The following COL5A1 variants were observed in gnomAD, a reference collection of about 807,000 sequenced individuals.
COL5A1 encodes the protein collagen alpha-1(V) chain.
A neutral mutation model predicts 263.7 loss-of-function variants in COL5A1; 16 were observed. That is an observed-to-expected ratio of 0.06 (90% CI 0.04 to 0.09). COL5A1 has a LOEUF of 0.09. COL5A1 is among the 10% of genes least tolerant of loss of function. The probability of loss-of-function intolerance (pLI) is 1.00; values close to 1 mark genes in which losing one functional copy is unlikely to be tolerated. For missense variants in COL5A1, 2,036 were observed against 2,540.5 expected, an observed-to-expected ratio of 0.80 and a Z score of 4.27; for synonymous variants, 1,012 against 1,004.5, an observed-to-expected ratio of 1.01 and a Z score of -0.14.
rs763310793 is a variant in COL5A1, at chr9:134,805,191, C to T, written c.3235C>T (p.Pro1079Ser). The T allele has an allele frequency of 5.6e-6, 9 of 1,613,924 alleles. No individual in the cohort carries two copies. Among genetic ancestry groups the T allele is most frequent in the Non-Finnish European group, 7.6e-6 (9 of 1,179,996 alleles). ...GALGLKGNEG[P>S]PGPPGPAGSP... ...TCTTGGACTGAAAGGCAATGAAGGG[C>T]CCCCTGGCCCACCAGGCCCTGCGGT... The change falls in exon 41 of 66, where the codon CCC (proline) becomes TCC (serine). Residue 1079 changes from proline (P) to serine (S), a missense_variant. Transcript: ENST00000371817.
At chr9:134,801,601 A>G (rs892115116) in intron 37 of COL5A1, among the ~76,000 whole-genome samples, 44 of 152,178 alleles carry the variant, frequency 2.9e-4, no homozygotes, top group African/African-American at 1.0e-3. Context: ...AGCCTGACCA[A>G]CATGGTGAAA....
rs530751614 is a variant in COL5A1, at chr9:134,820,064, G to A, written c.4447-52G>A. On this transcript the variant is annotated intron_variant, in intron 57 of 65. Coordinates refer to ENST00000371817, the MANE Select transcript of COL5A1 (RefSeq NM_000093.5). ...GTGCTAACTGGCCCACCGTGGCCGA[G>A]CATGAGGCGTGGCTCCCTCAAATGC... The A allele has an allele frequency of 2.2e-4, 314 of 1,404,286 alleles. 2 individuals carry two copies. In the South Asian group the frequency reaches 3.6e-3, roughly 16 times the overall value. 87.0% of individuals were successfully genotyped at this position (1,404,286 alleles called of 1,614,324 possible).
At chr9:134,766,107 C>T (rs1836651550) in intron 21 of COL5A1, among the ~76,000 whole-genome samples, 1 of 152,168 alleles carries the variant, frequency 6.6e-6, no homozygotes, top group Admixed American at 6.5e-5. Flanking sequence ...AGGCTGAAGC[C>T]CTTGATTCCA....
In COL5A1 at chr9:134,730,311, G is replaced by T; in HGVS notation, c.1000G>T (p.Gly334Cys). Residue 334 changes from glycine to cysteine, a missense_variant, in exon 7 of 66, where the codon GGC (glycine) becomes TGC (cysteine). This residue lies in a region of COL5A1 where 600 missense variants were observed against 634.5 expected (regional missense o/e 0.95). Transcript: ENST00000371817. ...SEGAGKEEDV[G>C]IGDYDYVPSE... is the part of the protein sequence containing the mutation. ...AGGGGCTGGGAAGGAAGAGGACGTC[G>T]GCATCGGGGACTATGACTACGTGCC... 1 of 1,614,234 alleles carries T rather than the reference G, an allele frequency of 6.2e-7. No homozygotes were observed. Among genetic ancestry groups the T allele is most frequent in the Non-Finnish European group, 8.5e-7 (1 of 1,180,048 alleles).
At chr9:134,761,039 C>T (rs1252976559) in intron 18 of COL5A1, among the ~76,000 whole-genome samples, 2 of 149,086 alleles carry the variant, frequency 1.3e-5, no homozygotes, top group East Asian at 4.1e-4. Context: ...TGCACAGGCT[C>T]CACACATGCC....
chr9:134,790,969 G>A (rs184523176), intron 32 of COL5A1, among the ~76,000 whole-genome samples: 65 of 152,228 alleles, frequency 4.3e-4, no homozygotes, highest in African/African-American at 1.5e-3. Flanking sequence ...CAGGGACCTC[G>A]TGGAGCAACT....
chr9:134,823,914 A>G (rs963056026), intron 61 of COL5A1, among the ~76,000 whole-genome samples: 26 of 149,170 alleles, frequency 1.7e-4, no homozygotes, highest in African/African-American at 6.1e-4. Flanking sequence ...TGGGGCACAT[A>G]TGTGTGTGCA....
intron 27 of COL5A1, among the ~76,000 whole-genome samples, chr9:134,776,130 G>T (rs990529447): frequency 1.3e-5 from 2 of 152,168 alleles, no homozygotes; most frequent in Non-Finnish European, 2.9e-5. Context: ...CCAAGTTCAC[G>T]AGGTATTGAA....
intron 2 of COL5A1, among the ~76,000 whole-genome samples, chr9:134,695,523 A>G (rs1833429221): frequency 6.6e-6 from 1 of 152,202 alleles, no homozygotes; most frequent in South Asian, 2.1e-4. Flanking sequence ...AGATGGAGGC[A>G]GCGGTGGGAG....
At chr9:134,643,119 G>A (rs1393248927) in intron 1 of COL5A1, among the ~76,000 whole-genome samples, 1 of 152,198 alleles carries the variant, frequency 6.6e-6, no homozygotes, top group East Asian at 1.9e-4. Flanking sequence ...GCTTCAAGGC[G>A]GGGACTGTCT....
At position 134,829,989 on chromosome 9, in the gene COL5A1, C is replaced by T. The variant is rs1564183635; in HGVS notation, c.5081C>T (p.Ser1694Phe). Residue 1694 changes from serine to phenylalanine, a missense_variant, in exon 64 of 66, where the codon TCT becomes TTT. Physicochemically the swap from Ser to Phe is radical, Grantham distance 155. Around this residue, in one of 3 missense-constraint regions of COL5A1, gnomAD observed 358 missense variants for 384.6 expected, o/e 0.93. Coordinates refer to ENST00000371817, the MANE Select transcript of COL5A1 (RefSeq NM_000093.5). ...DKKSEGARITSWPKENPGSWF... is the reference protein window; with the variant it reads ...DKKSEGARITFWPKENPGSWF... ...CTGCATGTTTAGGCCAGAATCACTT[C>T]TTGGCCCAAAGAAAACCCGGGCTCC... 3.1e-6 allele frequency: 5 copies of T among 1,613,746 alleles called. No individual in the cohort carries two copies. Among genetic ancestry groups the T allele is most frequent in the East Asian group, 2.2e-5 (1 of 44,874 alleles).
At chr9:134,718,137 GA>G (rs1453865293) in intron 4 of COL5A1, among the ~76,000 whole-genome samples, 1 of 152,226 alleles carries the variant, frequency 6.6e-6, no homozygotes, top group Non-Finnish European at 1.5e-5. Flanking sequence ...ACGCAGCCTG[GA>G]TACGGTCTCA....
rs374868484 is a variant in COL5A1 at position 134,818,701 on chromosome 9, G to A, written c.4276G>A (p.Gly1426Ser). Reference protein sequence around the residue: ...EGPPGKTGPIGPQGAPGKPGP... With the variant: ...EGPPGKTGPISPQGAPGKPGP... ...CCCTCCTGGGAAGACTGGCCCCATCGGCCCCCAGGGGGCCCCTGGGAAGCC... is the reference window on the plus strand; with the variant it reads ...CCCTCCTGGGAAGACTGGCCCCATCAGCCCCCAGGGGGCCCCTGGGAAGCC... The change falls in exon 55 of 66, where the codon GGC becomes AGC. Residue 1426 changes from glycine (G) to serine (S), a missense_variant. Physicochemically the swap from Gly to Ser is moderately conservative, Grantham distance 56. This residue lies in a region of COL5A1 where 1,078 missense variants were observed against 1,521.4 expected (regional missense o/e 0.71). Transcript: ENST00000371817. The surrounding 1 kb of genome is among the most constrained non-coding windows in gnomAD (Gnocchi z 6.0). 12 of 1,610,118 alleles carry A rather than the reference G, an allele frequency of 7.5e-6. No homozygotes were observed. The highest frequency in any genetic ancestry group is 6.7e-5 in the Admixed American group (4 of 59,720).
At chr9:134,806,786 T>C (rs1181296782) in intron 42 of COL5A1, among the ~76,000 whole-genome samples, 1 of 152,040 alleles carries the variant, frequency 6.6e-6, no homozygotes, top group African/African-American at 2.4e-5. Context: ...GGGAGTCCTG[T>C]TTCTTGGTTG....
At chr9:134,732,298 T>A (rs1330114655) in intron 9 of COL5A1, 171 bp downstream of exon 9, 1 of 717,400 alleles carries the variant, frequency 1.4e-6, no homozygotes, top group East Asian at 2.7e-5. Context: ...CCCCAGGACT[T>A]GTGAAGAATC....
At position 134,727,415 on chromosome 9, in the gene COL5A1, G is replaced by A; in HGVS notation, c.786+18G>A. On this transcript the variant is annotated intron_variant, in intron 5 of 65. Coordinates refer to ENST00000371817, the MANE Select transcript of COL5A1 (RefSeq NM_000093.5). ...ATGAATATGTGAGTTAACTCTGGCT[G>A]GGATCTTGGGGAGCATGAGCAGACT... The A allele has an allele frequency of 6.2e-7, 1 of 1,613,920 alleles. No homozygotes were observed. The highest frequency in any genetic ancestry group is 8.5e-7 in the Non-Finnish European group (1 of 1,179,884).
Position 134,763,633 on chromosome 9 carries a change from G to T in COL5A1, c.1990-60G>T, listed in dbSNP as rs1422715497. The T allele has an allele frequency of 2.0e-6, 3 of 1,529,870 alleles. No individual in the cohort carries two copies. In the African/African-American group the frequency reaches 4.1e-5, roughly 21 times the overall value. The allele number at this position is 1,529,870 out of a possible 1,614,324, so 94.8% of individuals were successfully genotyped here. A position where few individuals can be genotyped will look rare whatever the true frequency, so the allele number is the denominator to read the frequency against. ...GAGAACCCTTGTGCACCACTGAGGG[G>T]AAGCTGGTGTCCAGGCTAACAGCTC... On this transcript the variant is annotated intron_variant, in intron 19 of 65. Coordinates refer to ENST00000371817, the MANE Select transcript of COL5A1 (RefSeq NM_000093.5).
intron 63 of COL5A1, among the ~76,000 whole-genome samples, chr9:134,826,502 T>C (rs925981914): frequency 6.6e-6 from 1 of 152,158 alleles, no homozygotes; most frequent in Non-Finnish European, 1.5e-5. Flanking sequence ...TTTGTGTGCA[T>C]GTGGATGGTG....
At chr9:134,808,507 A>T (rs1463075296) in intron 42 of COL5A1, among the ~76,000 whole-genome samples, 1 of 152,246 alleles carries the variant, frequency 6.6e-6, no homozygotes, top group Non-Finnish European at 1.5e-5. Context: ...ATGCATGCAC[A>T]TACATGTCAG....
Sources: allele counts gnomAD v4.1 joint callset (sites outside exome capture counted in the v4.1 genomes callset), GRCh38; gene constraint gnomAD v4.1.1; regional missense constraint gnomAD v4.1.1; non-coding constraint Gnocchi (gnomAD v3.1); transcripts MANE v1.5; gene names NCBI Gene and HGNC (gene_info 2026-07-23, HGNC 2026-07-21).